The following CALN1 variants were observed in gnomAD, a reference collection of about 807,000 sequenced individuals.
The protein encoded by CALN1 is calneuron 1.
CALN1 carries 17 observed loss-of-function variants against 30.6 expected under a neutral mutation model. The observed-to-expected ratio is 0.56, with a 90% CI of 0.38 to 0.83. CALN1 has a LOEUF of 0.83. CALN1 is among the 40% of genes least tolerant of loss of function. CALN1 has a pLI of 0.00. For synonymous variants in CALN1, 156 were observed against 131.4 expected (o/e 1.19, Z -1.28); for missense variants, 291 against 354.9 (o/e 0.82, Z 1.45).
At chr7:72,488,565 C>T in the CALN1 span, among the ~76,000 whole-genome samples, 1 of 152,080 alleles carries the variant, frequency 6.6e-6, no homozygotes, top group Non-Finnish European at 1.5e-5. Context: ...TACTTACTAA[C>T]CCCAAAGTGT....
the CALN1 span, among the ~76,000 whole-genome samples, chr7:72,499,831 T>TCCC: frequency 4.4e-5 from 1 of 22,782 alleles, no homozygotes; most frequent in Non-Finnish European, 7.7e-5. Flanking sequence ...CCTTCCTTCT[T>TCCC]TCTTTCTTTC....
chr7:72,418,509 C>A (rs1777280130), intron 1 of CALN1, among the ~76,000 whole-genome samples: 1 of 152,204 alleles, frequency 6.6e-6, no homozygotes, highest in South Asian at 2.1e-4. Flanking sequence ...GACTGTCGCA[C>A]TGCACCCTCC....
At chr7:71,918,461 T>C (rs36088728) in intron 5 of CALN1, among the ~76,000 whole-genome samples, 13,028 of 152,238 alleles carry the variant, frequency 0.086, 971 homozygotes, top group East Asian at 0.42. Flanking sequence ...TCAGCCCTTG[T>C]AGGGTTTCTG....
chr7:72,058,355 T>C (rs1043422800), intron 4 of CALN1, among the ~76,000 whole-genome samples: 33 of 136,780 alleles, frequency 2.4e-4, no homozygotes, highest in African/African-American at 8.1e-4. Flanking sequence ...TCTCGCACTG[T>C]TGCCCAGGCT....
intron 5 of CALN1, among the ~76,000 whole-genome samples, chr7:71,931,332 C>G (rs1235182872): frequency 1.3e-5 from 2 of 151,946 alleles, no homozygotes; most frequent in African/African-American, 2.4e-5. Flanking sequence ...GTGGAGTGAT[C>G]TCGGCTCACT....
At chr7:72,002,518 A>G (rs1041966836) in intron 5 of CALN1, among the ~76,000 whole-genome samples, 1 of 152,186 alleles carries the variant, frequency 6.6e-6, no homozygotes, top group African/African-American at 2.4e-5. Context: ...AACAACCATA[A>G]GTCAGGAAAT....
chr7:72,370,576 C>T (rs926829388), intron 2 of CALN1, among the ~76,000 whole-genome samples: 2 of 151,806 alleles, frequency 1.3e-5, no homozygotes, highest in Middle Eastern at 3.2e-3. Context: ...ACGGTGTGAA[C>T]CCGGGAGGCG....
intron 2 of CALN1, among the ~76,000 whole-genome samples, chr7:72,319,572 C>T (rs1313020005): frequency 6.7e-6 from 1 of 149,736 alleles, no homozygotes; most frequent in Non-Finnish European, 1.5e-5. Context: ...CAATGGAATA[C>T]TACTTAGCCA....
chr7:71,992,612 C>A (rs1309965147), intron 5 of CALN1, among the ~76,000 whole-genome samples: 5 of 152,192 alleles, frequency 3.3e-5, no homozygotes. Flanking sequence ...CCAGCCTTGA[C>A]CTTCCAAACC....
rs576872650 is a variant in CALN1 at position 72,077,264 on chromosome 7, ATTTAT to A, written c.388+28882_388+28886del. Among the ~76,000 whole-genome samples, 293 of 151,216 alleles carry A rather than the reference ATTTAT, an allele frequency of 1.9e-3. 1 individual carries two copies. The highest frequency in any genetic ancestry group is 6.0e-3 in the African/African-American group (246 of 41,168). ...ACACTAGCTGGGGCAAAGAAGGAAT[ATTTAT>A]TTTATTTTATTTTATTTATTTTGAG... On this transcript the variant is annotated intron_variant, in intron 4 of 6. Coordinates refer to ENST00000395275, the MANE Select transcript of CALN1 (RefSeq NM_031468.4).
At chr7:71,976,035 G>A (rs181257470) in intron 5 of CALN1, among the ~76,000 whole-genome samples, 39 of 151,648 alleles carry the variant, frequency 2.6e-4, no homozygotes, top group African/African-American at 9.2e-4. Context: ...GCCAGACTCC[G>A]GTCTCCACAA....
At chr7:72,376,752 T>A (rs1455535081) in intron 2 of CALN1, among the ~76,000 whole-genome samples, 11 of 152,230 alleles carry the variant, frequency 7.2e-5, no homozygotes, top group Admixed American at 7.2e-4. Context: ...TTGCTTGGAC[T>A]TTCTGATTCA....
intron 5 of CALN1, among the ~76,000 whole-genome samples, chr7:71,897,416 G>A (rs897743543): frequency 6.6e-6 from 1 of 151,940 alleles, no homozygotes; most frequent in Non-Finnish European, 1.5e-5. Context: ...CAAAAGGGCC[G>A]GTTGGAAGAA....
rs183489864 is a variant in CALN1, at chr7:71,863,322, C to T, written c.502-52830G>A. Among the ~76,000 whole-genome samples the T allele has an allele frequency of 4.0e-5, 6 of 151,882 alleles. No homozygotes were observed. The East Asian group carries it at 9.8e-4, about 25-fold the overall frequency. ...TCTGTAATCCCAGCACTTTGGGAGG[C>T]CAAGGCAGGCGGATCACCCGAGGTG... On this transcript the variant is annotated intron_variant, in intron 5 of 6. Coordinates refer to ENST00000395275, the MANE Select transcript of CALN1 (RefSeq NM_031468.4).
At chr7:72,226,238 T>C (rs1793670129) in intron 3 of CALN1, among the ~76,000 whole-genome samples, 1 of 151,066 alleles carries the variant, frequency 6.6e-6, no homozygotes, top group Non-Finnish European at 1.5e-5. Context: ...AGAGTGAAAA[T>C]CTGTCTCAAA....
At chr7:71,791,115 G>C (rs1003050397) in intron 6 of CALN1, among the ~76,000 whole-genome samples, 3 of 152,222 alleles carry the variant, frequency 2.0e-5, no homozygotes, top group African/African-American at 7.2e-5. Flanking sequence ...AAGGCAAACA[G>C]AATTTTCTCC....
intron 3 of CALN1, among the ~76,000 whole-genome samples, chr7:72,149,488 T>TA (rs1004414657): frequency 6.6e-6 from 1 of 151,682 alleles, no homozygotes; most frequent in Non-Finnish European, 1.5e-5. Flanking sequence ...AAATTAAAAT[T>TA]AAAAAACCCC....
chr7:72,076,569 G>T (rs1301920996), intron 4 of CALN1, among the ~76,000 whole-genome samples: 7 of 123,174 alleles, frequency 5.7e-5, no homozygotes, highest in South Asian at 2.8e-4. Flanking sequence ...CTGCACTCTG[G>T]CCTGGGGAAC....
intron 3 of CALN1, among the ~76,000 whole-genome samples, chr7:72,231,928 A>C (rs1794133346): frequency 6.6e-6 from 1 of 152,208 alleles, no homozygotes; most frequent in African/African-American, 2.4e-5. Context: ...GGGGCAGGAG[A>C]GAGGCAGCAA....
Sources: allele counts gnomAD v4.1 joint callset (sites outside exome capture counted in the v4.1 genomes callset), GRCh38; gene constraint gnomAD v4.1.1; transcripts MANE v1.5; gene names NCBI Gene and HGNC (gene_info 2026-07-23, HGNC 2026-07-21).